SLC35D2: variants seen among roughly 807,000 people sequenced by gnomAD.
The protein encoded by SLC35D2 is nucleotide sugar transporter SLC35D2.
SLC35D2 carries 43 observed loss-of-function variants against 41.8 expected under a neutral mutation model. The ratio of observed to expected loss-of-function variants is 1.03; its 90% CI spans 0.81 to 1.33. The LOEUF (loss-of-function observed/expected upper bound fraction) is 1.33. Among genes scored for constraint, SLC35D2 ranks in the 40% most tolerant of loss-of-function variants. The pLI, the probability that SLC35D2 is intolerant of heterozygous loss-of-function variation, is 0.00. For synonymous variants in SLC35D2, 150 were observed against 163.9 expected (o/e 0.92, Z 0.65); for missense variants, 380 against 408.4 (o/e 0.93, Z 0.60).
At chr9:96,326,850 A>T (rs1828557859) in intron 9 of SLC35D2, among the ~76,000 whole-genome samples, 1 of 152,072 alleles carries the variant, frequency 6.6e-6, no homozygotes, top group Non-Finnish European at 1.5e-5. Flanking sequence ...AATTGTTATA[A>T]TTTTAATAAA....
At chr9:96,323,081 A>G (rs10126039) in intron 10 of SLC35D2, among the ~76,000 whole-genome samples, 10 of 149,954 alleles carry the variant, frequency 6.7e-5, no homozygotes, top group Non-Finnish European at 1.0e-4. Context: ...TGTGGACACA[A>G]CAGGGCCAAG....
intron 9 of SLC35D2, among the ~76,000 whole-genome samples, chr9:96,335,782 G>T (rs893524838): frequency 6.6e-6 from 1 of 152,052 alleles, no homozygotes; most frequent in Non-Finnish European, 1.5e-5. Context: ...GGCCAGGCGC[G>T]GTGGCTCACG....
chr9:96,326,542 G>A (rs139406940), intron 9 of SLC35D2, among the ~76,000 whole-genome samples: 32 of 152,252 alleles, frequency 2.1e-4, no homozygotes, highest in African/African-American at 7.5e-4. Flanking sequence ...GGTGGCTCAC[G>A]CCTGTAATCC....
intron 8 of SLC35D2, 135 bp from the exon 9 acceptor site, chr9:96,336,919 A>G: frequency 1.7e-6 from 1 of 598,616 alleles, no homozygotes; most frequent in Non-Finnish European, 3.0e-6. Context: ...ATCCTAGGTC[A>G]TACTAGTTGT....
chr9:96,341,104 T>C (rs1829305840), intron 8 of SLC35D2, among the ~76,000 whole-genome samples: 2 of 152,008 alleles, frequency 1.3e-5, no homozygotes. Flanking sequence ...CTGGCCAACA[T>C]GGTGAAACCC....
At chr9:96,372,732 G>A (rs1263442999) in intron 1 of SLC35D2, among the ~76,000 whole-genome samples, 1 of 149,724 alleles carries the variant, frequency 6.7e-6, no homozygotes, top group South Asian at 2.1e-4. Flanking sequence ...TTACAGGCGC[G>A]CACCACCACG....
In SLC35D2 at chr9:96,353,502, C is replaced by T. The variant is rs540406918; in HGVS notation, c.348-1393G>A. ...TCGGGTAGCTGGGATTACACTACCA[C>T]GCCCAGCTAATTTTTGTATTTTTAG... On this transcript the variant is annotated intron_variant, in intron 4 of 11. Coordinates refer to ENST00000253270, the MANE Select transcript of SLC35D2 (RefSeq NM_007001.3). Among the ~76,000 whole-genome samples the T allele has an allele frequency of 4.6e-5, 7 of 152,200 alleles. No homozygotes were observed. In the East Asian group the frequency reaches 1.4e-3, roughly 29 times the overall value.
intron 2 of SLC35D2, among the ~76,000 whole-genome samples, chr9:96,367,876 T>C (rs914251007): frequency 3.4e-5 from 5 of 146,916 alleles, no homozygotes; most frequent in African/African-American, 1.1e-4. Context: ...CTCAACTCTT[T>C]TCCTGTCAGG....
intron 1 of SLC35D2, 43 bp downstream of exon 1, chr9:96,383,434 C>A: frequency 6.8e-7 from 1 of 1,472,710 alleles, no homozygotes; most frequent in Non-Finnish European, 9.1e-7. Context: ...ACAGGGGCAG[C>A]CCCGCACTCC....
chr9:96,358,080 T>TTATA (rs34633441), intron 4 of SLC35D2, among the ~76,000 whole-genome samples: 9,810 of 122,334 alleles, frequency 0.08, 638 homozygotes, highest in Middle Eastern at 0.1. Flanking sequence ...ATTATATATT[T>TTATA]TATATATATA....
chr9:96,371,505 A>AAAAAAAAAAAAAAAAAAAAAC (rs1830681492), intron 1 of SLC35D2, among the ~76,000 whole-genome samples: 1 of 142,914 alleles, frequency 7.0e-6, no homozygotes, highest in Admixed American at 7.1e-5. Context: ...AAAAAAAAAA[A>AAAAAAAAAAAAAAAAAAAAAC]ATTTAAACAC....
At chr9:96,356,348 A>C (rs1830022105) in intron 4 of SLC35D2, among the ~76,000 whole-genome samples, 1 of 151,490 alleles carries the variant, frequency 6.6e-6, no homozygotes, top group Non-Finnish European at 1.5e-5. Flanking sequence ...GATTCAACAC[A>C]ATCCCTATCG....
downstream of SLC35D2, among the ~76,000 whole-genome samples, chr9:96,316,845 A>AGG (rs1294882583): frequency 1.3e-5 from 2 of 152,110 alleles, no homozygotes; most frequent in Middle Eastern, 3.4e-3. Context: ...ATATATATAA[A>AGG]GTATTAAAAC....
At chr9:96,317,960 T>C (rs1828096839), downstream of SLC35D2, among the ~76,000 whole-genome samples, 1 of 149,474 alleles carries the variant, frequency 6.7e-6, no homozygotes, top group African/African-American at 2.5e-5. Flanking sequence ...CACTTGAACC[T>C]AGGAGTTCGA....
intron 3 of SLC35D2, 67 bp downstream of exon 3, chr9:96,364,397 T>G: frequency 7.2e-6 from 7 of 978,118 alleles, no homozygotes; most frequent in Non-Finnish European, 1.1e-5. Flanking sequence ...GAAATTGACC[T>G]GTACTCTAAA....
intron 1 of SLC35D2, among the ~76,000 whole-genome samples, chr9:96,371,518 G>T (rs1023730781): frequency 1.9e-5 from 2 of 105,396 alleles, no homozygotes; most frequent in African/African-American, 3.2e-5. Context: ...TTAAACACTG[G>T]ATCTAAAAGA....
At chr9:96,350,476 G>T (rs1176436796) in intron 6 of SLC35D2, among the ~76,000 whole-genome samples, 1 of 148,464 alleles carries the variant, frequency 6.7e-6, no homozygotes, top group African/African-American at 2.5e-5. Context: ...TTATAGGGGT[G>T]AGCCACCACA....
chr9:96,369,683 T>C (rs1016725764), intron 1 of SLC35D2, among the ~76,000 whole-genome samples: 2 of 152,146 alleles, frequency 1.3e-5, no homozygotes, highest in African/African-American at 4.8e-5. Context: ...GAAAAGACGA[T>C]CTTTCAGCAA....
chr9:96,366,646 T>C (rs1267988305), intron 2 of SLC35D2, among the ~76,000 whole-genome samples: 1 of 151,174 alleles, frequency 6.6e-6, no homozygotes, highest in East Asian at 2.0e-4. Flanking sequence ...TGACTAATTT[T>C]TGTATTTTTA....
Sources: gnomAD v4.1 joint callset for allele counts (sites outside exome capture counted in the v4.1 genomes callset) on GRCh38, gnomAD v4.1.1 for gene constraint, MANE v1.5 for transcripts, NCBI Gene and HGNC (gene_info 2026-07-23, HGNC 2026-07-21) for gene names.